The following TENM2 variants were observed in gnomAD, a reference collection of about 807,000 sequenced individuals.
TENM2 encodes the protein teneurin transmembrane protein 2, also known as teneurin-2.
TENM2 carries 52 observed loss-of-function variants against 245.2 expected under a neutral mutation model. That is an observed-to-expected ratio of 0.21 (90% CI 0.17 to 0.27). The LOEUF is 0.27. Among genes scored for constraint, TENM2 ranks in the 10% least tolerant of loss-of-function variants. TENM2 has a pLI of 1.00. For missense variants in TENM2, 3,046 were observed against 3,666.8 expected (o/e 0.83, Z 4.37); for synonymous variants, 1,363 against 1,438.9 (o/e 0.95, Z 1.19).
chr5:167,335,336 C>T (rs1303495948), intron 1 of TENM2, among the ~76,000 whole-genome samples: 4 of 152,240 alleles, frequency 2.6e-5, no homozygotes, highest in African/African-American at 7.2e-5. Context: ...ATGAGAACTC[C>T]GCCCCCATGA....
chr5:168,166,274 G>A (rs1461973480), intron 13 of TENM2, among the ~76,000 whole-genome samples: 1 of 152,160 alleles, frequency 6.6e-6, no homozygotes, highest in Middle Eastern at 3.4e-3. Flanking sequence ...TTTCATGAAC[G>A]AGCAAAATAA....
intron 3 of TENM2, among the ~76,000 whole-genome samples, chr5:167,878,506 A>C (rs1773610544): frequency 6.6e-6 from 1 of 152,082 alleles, no homozygotes; most frequent in Non-Finnish European, 1.5e-5. Flanking sequence ...GGCAGTCATT[A>C]GAAATTCTGG....
chr5:166,983,215 C>A, the TENM2 span, among the ~76,000 whole-genome samples: 1 of 151,994 alleles, frequency 6.6e-6, no homozygotes, highest in Non-Finnish European at 1.5e-5. Context: ...AATGTTTTCC[C>A]TAAAATTAAT....
At chr5:167,578,876 T>A (rs1347862841) in intron 2 of TENM2, among the ~76,000 whole-genome samples, 1 of 152,192 alleles carries the variant, frequency 6.6e-6, no homozygotes, top group Non-Finnish European at 1.5e-5. Flanking sequence ...GCTGTTTTCT[T>A]TTCAACAGAG....
At chr5:168,197,334 T>C (rs1453109533) in intron 15 of TENM2, among the ~76,000 whole-genome samples, 1 of 152,202 alleles carries the variant, frequency 6.6e-6, no homozygotes, top group Non-Finnish European at 1.5e-5. Context: ...GAGTTTTTAC[T>C]GTGATCCAAG....
chr5:167,926,983 A>G (rs1452323986), intron 3 of TENM2, among the ~76,000 whole-genome samples: 1 of 152,182 alleles, frequency 6.6e-6, no homozygotes, highest in Admixed American at 6.5e-5. Flanking sequence ...AAAATTTGGT[A>G]TTAACAGCTT....
chr5:167,035,780 C>T, the TENM2 span, among the ~76,000 whole-genome samples: 2 of 152,166 alleles, frequency 1.3e-5, no homozygotes, highest in Non-Finnish European at 2.9e-5. Context: ...CACTCTGTCA[C>T]CTAGGCTGGA....
intron 13 of TENM2, among the ~76,000 whole-genome samples, chr5:168,174,312 G>A (rs766838686): frequency 1.3e-5 from 2 of 152,134 alleles, no homozygotes; most frequent in African/African-American, 2.4e-5. Flanking sequence ...TTCAGGTCAC[G>A]TCCCAGCTCC....
At chr5:167,156,884 A>G in the TENM2 span, among the ~76,000 whole-genome samples, 1 of 152,204 alleles carries the variant, frequency 6.6e-6, no homozygotes, top group African/African-American at 2.4e-5. Flanking sequence ...TCATTAAGTT[A>G]TATTCTAAGG....
At chr5:167,230,257 A>T in the TENM2 span, among the ~76,000 whole-genome samples, 4 of 152,168 alleles carry the variant, frequency 2.6e-5, no homozygotes, top group South Asian at 8.3e-4. Flanking sequence ...GACTAGGATT[A>T]TAGGAGTCTG....
chr5:167,632,684 T>G (rs1049980462), intron 2 of TENM2, among the ~76,000 whole-genome samples: 4 of 151,978 alleles, frequency 2.6e-5, no homozygotes, highest in African/African-American at 9.7e-5. Flanking sequence ...ACACACACCA[T>G]GCACATACAT....
At chr5:167,224,316 G>A in the TENM2 span, among the ~76,000 whole-genome samples, 4 of 152,048 alleles carry the variant, frequency 2.6e-5, no homozygotes, top group East Asian at 7.7e-4. Context: ...TGGCTTTATT[G>A]TTTTGGGTCT....
the TENM2 span, among the ~76,000 whole-genome samples, chr5:167,078,093 T>A: frequency 6.6e-6 from 1 of 151,958 alleles, no homozygotes. Context: ...TAATATAAAC[T>A]ATAAGTAAGT....
intron 12 of TENM2, 119 bp downstream of exon 14, chr5:168,127,085 C>T: frequency 1.1e-6 from 1 of 874,182 alleles, no homozygotes; most frequent in Admixed American, 2.3e-5. Context: ...CTCCAAATCT[C>T]CCAGGGGATA....
At chr5:168,132,037 C>G (rs1280816534) in intron 12 of TENM2, among the ~76,000 whole-genome samples, 1 of 152,020 alleles carries the variant, frequency 6.6e-6, no homozygotes, top group East Asian at 1.9e-4. Flanking sequence ...CACCACCCCC[C>G]TATAATTTGG....
chr5:167,567,463 C>T (rs1052694780), intron 2 of TENM2, among the ~76,000 whole-genome samples: 1 of 152,054 alleles, frequency 6.6e-6, no homozygotes, highest in Non-Finnish European at 1.5e-5. Flanking sequence ...ATAATTGGGC[C>T]TGAAATGACC....
intron 2 of TENM2, among the ~76,000 whole-genome samples, chr5:167,719,218 C>T (rs368439828): frequency 6.6e-6 from 1 of 152,296 alleles, no homozygotes; most frequent in East Asian, 1.9e-4. Flanking sequence ...GCATAACTTA[C>T]GAGCTAAATT....
chr5:167,645,291 C>T (rs181610571), intron 2 of TENM2, among the ~76,000 whole-genome samples: 28 of 152,126 alleles, frequency 1.8e-4, no homozygotes, highest in Non-Finnish European at 2.9e-5. Flanking sequence ...CTTATAATGA[C>T]TCATGACCGG....
chr5:168,262,531 C>A, exon 29 of TENM2: 1 of 1,556,472 alleles, frequency 6.4e-7, no homozygotes, highest in Non-Finnish European at 8.7e-7. Context: ...TCCGCTATGG[C>A]CTCACCCCCG....
Sources: gnomAD v4.1 joint callset for allele counts (sites outside exome capture counted in the v4.1 genomes callset) on GRCh38, gnomAD v4.1.1 for gene constraint, MANE v1.5 for transcripts, NCBI Gene and HGNC (gene_info 2026-07-23, HGNC 2026-07-21) for gene names.